Variants in CELF2 observed in about 807,000 individuals in gnomAD.
CELF2 encodes CUG triplet repeat RNA-binding protein 2.
Under a neutral mutation model 62.6 loss-of-function variants are expected in CELF2, and 8 were observed. That is an observed-to-expected ratio of 0.13 (90% CI 0.07 to 0.23). CELF2 has a LOEUF of 0.23. CELF2 is among the 10% of genes least tolerant of loss of function. The pLI is 1.00. For synonymous variants in CELF2, 258 were observed against 250.0 expected (o/e 1.03, Z -0.30); for missense variants, 333 against 671.0 (o/e 0.50, Z 5.56).
intron 1 of CELF2, among the ~76,000 whole-genome samples, chr10:10,816,908 A>G (rs1324818615): frequency 6.6e-6 from 1 of 152,236 alleles, no homozygotes; most frequent in Non-Finnish European, 1.5e-5. Flanking sequence ...AAATATGCAA[A>G]TATGCACTAC....
chr10:10,576,872 TGTG>T, the CELF2 span, among the ~76,000 whole-genome samples: 1 of 152,204 alleles, frequency 6.6e-6, no homozygotes, highest in African/African-American at 2.4e-5. Flanking sequence ...GTACTGGAAA[TGTG>T]GTGCTCCTGA....
Position 10,995,249 on chromosome 10 carries a change from C to T in CELF2, c.89+75250C>T, listed in dbSNP as rs189928265. ...AAAGAAACGTGTGGCTCATGTAGCT[C>T]GTCACATTTTTTATTTTTATTTTTT... On this transcript the variant is annotated intron_variant, in intron 2 of 13. Transcript: ENST00000636488. This position sits in a 1 kb window ranked among gnomAD's most constrained non-coding sequence, Gnocchi z 4.7. Among the ~76,000 whole-genome samples the T allele has an allele frequency of 3.3e-5, 5 of 152,232 alleles. No individual in the cohort carries two copies. The highest frequency in any genetic ancestry group is 6.5e-5 in the Admixed American group (1 of 15,274).
chr10:11,239,600 A>G (rs1209984838), intron 3 of CELF2, among the ~76,000 whole-genome samples: 1 of 152,238 alleles, frequency 6.6e-6, no homozygotes, highest in Admixed American at 6.5e-5. Flanking sequence ...GGCTATCAGG[A>G]AAAAGTTGTA....
chr10:11,061,419 T>G (rs1360950801), intron 1 of CELF2, among the ~76,000 whole-genome samples: 1 of 152,204 alleles, frequency 6.6e-6, no homozygotes, highest in Non-Finnish European at 1.5e-5. Context: ...AGAAGCCATC[T>G]CCATAGCATA....
At chr10:11,264,320 T>G (rs2081562583) in intron 5 of CELF2, among the ~76,000 whole-genome samples, 1 of 152,260 alleles carries the variant, frequency 6.6e-6, no homozygotes, top group Non-Finnish European at 1.5e-5. Flanking sequence ...GGCAAATGCA[T>G]AAACTGTGCC....
chr10:11,034,890 G>A (rs1395239470), intron 1 of CELF2, among the ~76,000 whole-genome samples: 1 of 152,128 alleles, frequency 6.6e-6, no homozygotes, highest in Non-Finnish European at 1.5e-5. Flanking sequence ...GGATGGAATT[G>A]CAGCCACTTG....
At chr10:10,543,067 C>T in the CELF2 span, among the ~76,000 whole-genome samples, 1,329 of 152,270 alleles carry the variant, frequency 8.7e-3, 10 homozygotes, top group African/African-American at 0.019. Flanking sequence ...GATTCTTTTA[C>T]TGGGTTCCAG....
the CELF2 span, among the ~76,000 whole-genome samples, chr10:10,481,436 C>T: frequency 5.9e-5 from 9 of 152,224 alleles, no homozygotes; most frequent in Non-Finnish European, 1.3e-4. Context: ...TTTTATCCTC[C>T]ATAAACAGAC....
At chr10:10,943,324 G>A (rs2047255176) in intron 2 of CELF2, among the ~76,000 whole-genome samples, 1 of 152,154 alleles carries the variant, frequency 6.6e-6, no homozygotes, top group Non-Finnish European at 1.5e-5. Flanking sequence ...CCTGTGAGGG[G>A]CAGAACTCCC....
rs576622371 is a variant in CELF2, at chr10:11,200,978, G to T, written c.272-16447G>T. ...TCAAACGGGTCAGTTTTACCAAGTG[G>T]TTTGCTCAAAAAGGTGTTCTCATCA... On this transcript the variant is annotated intron_variant, in intron 2 of 12. Transcript: ENST00000633077. Among the ~76,000 whole-genome samples, 3 of 152,310 alleles carry T rather than the reference G, an allele frequency of 2.0e-5. No individual in the cohort carries two copies. In the South Asian group the frequency reaches 6.2e-4, roughly 32 times the overall value.
At chr10:10,756,912 G>A in the CELF2 span, among the ~76,000 whole-genome samples, 1 of 152,182 alleles carries the variant, frequency 6.6e-6, no homozygotes, top group Non-Finnish European at 1.5e-5. Flanking sequence ...GGGAGGCCAA[G>A]GCAGGCAGAT....
chr10:10,590,196 C>T, the CELF2 span, among the ~76,000 whole-genome samples: 2 of 152,226 alleles, frequency 1.3e-5, no homozygotes, highest in Non-Finnish European at 2.9e-5. Context: ...TATAATCTCC[C>T]TCTATTTGGG....
At chr10:10,618,071 C>T in the CELF2 span, among the ~76,000 whole-genome samples, 2 of 152,062 alleles carry the variant, frequency 1.3e-5, no homozygotes, top group Non-Finnish European at 1.5e-5. Flanking sequence ...AGGGCTGTGA[C>T]CTTCACTTAG....
chr10:10,952,961 C>G (rs931730349), intron 2 of CELF2, among the ~76,000 whole-genome samples: 1 of 152,092 alleles, frequency 6.6e-6, no homozygotes, highest in Non-Finnish European at 1.5e-5. Context: ...AAAGATGATG[C>G]TACAGAACAG....
rs1364089846 is a variant in CELF2 at position 10,972,167 on chromosome 10, A to G, written c.89+52168A>G. On this transcript the variant is annotated intron_variant, in intron 2 of 13. Transcript: ENST00000636488. The surrounding 1 kb of genome is among the most constrained non-coding windows in gnomAD (Gnocchi z 4.4). ...GATTTCTCTGTGGCACTGAGCTCACAGACAATTTCTTATTCAGGGAAACTC... is the reference window on the plus strand; with the variant it reads ...GATTTCTCTGTGGCACTGAGCTCACGGACAATTTCTTATTCAGGGAAACTC... Among the ~76,000 whole-genome samples, 2 of 152,316 alleles carry G rather than the reference A, an allele frequency of 1.3e-5. No individual in the cohort carries two copies. Among genetic ancestry groups the G allele is most frequent in the East Asian group, 3.9e-4 (2 of 5,178 alleles).
chr10:10,651,411 G>C, the CELF2 span, among the ~76,000 whole-genome samples: 1 of 144,696 alleles, frequency 6.9e-6, no homozygotes, highest in Non-Finnish European at 1.5e-5. Context: ...CTCCACCTCT[G>C]GGGGCAGGGC....
chr10:11,121,692 A>G (rs530465586), intron 1 of CELF2, among the ~76,000 whole-genome samples: 2 of 151,328 alleles, frequency 1.3e-5, no homozygotes, highest in Non-Finnish European at 3.0e-5. Flanking sequence ...CTAAGAGGCT[A>G]GTATTTTTTT....
chr10:11,324,865 C>A lies in CELF2; in HGVS notation c.1295-971C>A, dbSNP rs946192598. ...CTCCTGTGAAGGCCAGTTGAGGATT[C>A]CTGACCCGCTGCAGAAGTCGCCTCA... On this transcript the variant is annotated intron_variant, in intron 11 of 12. Transcript: ENST00000633077. The surrounding 1 kb of genome is among the most constrained non-coding windows in gnomAD (Gnocchi z 4.7). Among the ~76,000 whole-genome samples the A allele has an allele frequency of 4.6e-5, 7 of 152,212 alleles. No homozygotes were observed. The highest frequency in any genetic ancestry group is 1.7e-4 in the African/African-American group (7 of 41,456).
At chr10:10,526,020 G>A in the CELF2 span, among the ~76,000 whole-genome samples, 3 of 152,328 alleles carry the variant, frequency 2.0e-5, no homozygotes, top group African/African-American at 4.8e-5. Flanking sequence ...TCTAACGGGT[G>A]CGAGGTGATA....
Sources: allele counts gnomAD v4.1 joint callset (sites outside exome capture counted in the v4.1 genomes callset), GRCh38; gene constraint gnomAD v4.1.1; non-coding constraint Gnocchi (gnomAD v3.1); transcripts MANE v1.5; gene names NCBI Gene and HGNC (gene_info 2026-07-23, HGNC 2026-07-21).